ABCA6: variants seen among roughly 807,000 people sequenced by gnomAD.
ABCA6 encodes ATP binding cassette subfamily A member 6, also known as ATP-binding cassette sub-family A member 6.
Under a neutral mutation model 191.2 loss-of-function variants are expected in ABCA6, and 164 were observed. The ratio of observed to expected loss-of-function variants is 0.86; its 90% confidence interval spans 0.76 to 0.98. The LOEUF (loss-of-function observed/expected upper bound fraction) is 0.98. Among genes scored for constraint, ABCA6 ranks in the 50% least tolerant of loss-of-function variants. The probability of loss-of-function intolerance (pLI) is 0.00; values close to 1 mark genes in which losing one functional copy is unlikely to be tolerated. For synonymous variants in ABCA6, 636 were observed against 647.7 expected (o/e 0.98, Z 0.27); for missense variants, 1,958 against 1,894.1 (o/e 1.03, Z -0.63).
At chr17:69,089,419 A>T in intron 27 of ABCA6, 46 bp downstream of exon 27, 5 of 1,538,078 alleles carry the variant, frequency 3.3e-6, no homozygotes, top group Non-Finnish European at 4.5e-6. Flanking sequence ...ATAGTGAATG[A>T]CAGTCATCCA....
chr17:69,096,271 T>G lies in ABCA6; in HGVS notation c.3377A>C (p.Asn1126Thr), dbSNP rs1299794165. The G allele has an allele frequency of 6.6e-7, 1 of 1,523,476 alleles. No individual in the cohort carries two copies. Among genetic ancestry groups the G allele is most frequent in the South Asian group, 1.3e-5 (1 of 75,712 alleles). 94.4% of individuals were successfully genotyped at this position (1,523,476 alleles called of 1,614,324 possible). A position where few individuals can be genotyped will look rare whatever the true frequency, so the allele number is the denominator to read the frequency against. Residue 1126 changes from asparagine to threonine, a missense_variant, in exon 25 of 39, where the codon AAC becomes ACC. Coordinates refer to ENST00000284425, the MANE Select transcript of ABCA6 (RefSeq NM_080284.3). The stretch of plus-strand genomic sequence containing the variant: ...GAAGTAAAATGACCAAAGGCCACTG[T>G]TTTTTCTCCTTTTGCGAAAAATAAA... ...ISFIFRKRRK[N>T]SGLWSFYFFF...
chr17:69,113,114 T>G, intron 15 of ABCA6, 108 bp downstream of exon 15: 1 of 1,326,004 alleles, frequency 7.5e-7, no homozygotes, highest in East Asian at 2.7e-5. Flanking sequence ...TGCTATAGAA[T>G]GTAGGAACAT....
At chr17:69,096,378 T>C in intron 24 of ABCA6, 25 bp from the exon 25 acceptor site, 1 of 1,260,680 alleles carries the variant, frequency 7.9e-7, no homozygotes, top group Non-Finnish European at 1.1e-6. Context: ...AATAATAACA[T>C]AGTCAAAAAA....
At chr17:69,130,845 T>C (rs756987043) in intron 6 of ABCA6, among the ~76,000 whole-genome samples, 8 of 152,154 alleles carry the variant, frequency 5.3e-5, no homozygotes, top group Non-Finnish European at 8.8e-5. Flanking sequence ...TAGTAGAAAA[T>C]TGAAATTTCA....
Position 69,084,289 on chromosome 17 carries a change from T to C in ABCA6, c.4327A>G (p.Ile1443Val), listed in dbSNP as rs767019464. 24 of 1,614,070 alleles carry C rather than the reference T, an allele frequency of 1.5e-5. No individual in the cohort carries two copies. The highest frequency in any genetic ancestry group is 1.9e-5 in the Non-Finnish European group (23 of 1,180,022). ...VLLLDEPSTGIDPTGQQQMWQ... is the reference protein window; with the variant it reads ...VLLLDEPSTGVDPTGQQQMWQ... ...ATTTGCTGCTGCCCTGTGGGGTCTA[T>C]GCCCGTAGATGGTTCATCCAGGAGC... is the stretch of plus-strand genomic sequence containing the variant. Residue 1443 changes from isoleucine (I) to valine (V), a missense_variant, in exon 34 of 39, where the codon ATA becomes GTA. Ile to Val is a conservative substitution (Grantham distance 29, BLOSUM62 3). Transcript: ENST00000284425.
intron 21 of ABCA6, 135 bp downstream of exon 21, chr17:69,102,700 A>G: frequency 2.6e-6 from 2 of 770,584 alleles, no homozygotes; most frequent in South Asian, 4.7e-5. Context: ...GGTAAACTTC[A>G]CAGTTTATTA....
intron 30 of ABCA6, among the ~76,000 whole-genome samples, chr17:69,086,004 G>A (rs1029962683): frequency 5.3e-5 from 8 of 152,060 alleles, no homozygotes; most frequent in African/African-American, 1.7e-4. Context: ...ATAGATGGCC[G>A]ATGCACTGAG....
intron 10 of ABCA6, among the ~76,000 whole-genome samples, chr17:69,120,952 T>C (rs1193056683): frequency 6.6e-6 from 1 of 151,982 alleles, no homozygotes; most frequent in African/African-American, 2.4e-5. Context: ...TCTACAAACT[T>C]TCATCCATAC....
Position 69,134,619 on chromosome 17 carries a change from C to G in ABCA6, c.564+20G>C, listed in dbSNP as rs776943384. On this transcript the variant is annotated intron_variant, in intron 5 of 38. Coordinates refer to ENST00000284425, the MANE Select transcript of ABCA6 (RefSeq NM_080284.3). ...AAGTAGCTGACATTAATTAGTAGAA[C>G]TTTTCAATCAAGCACTTACTTCTAT... is the stretch of plus-strand genomic sequence containing the variant. 1.1e-5 allele frequency: 17 copies of G among 1,568,160 alleles called. No individual in the cohort carries two copies. The East Asian group carries it at 3.8e-4, about 35-fold the overall frequency.
chr17:69,120,207 T>A (rs2073615415), intron 10 of ABCA6, among the ~76,000 whole-genome samples: 1 of 151,938 alleles, frequency 6.6e-6, no homozygotes, highest in African/African-American at 2.4e-5. Flanking sequence ...TTTAAAGAGA[T>A]CAAAAGGGAC....
chr17:69,091,197 G>C lies in ABCA6; in HGVS notation c.3474C>G (p.Thr1158=), dbSNP rs371995166. Reference sequence around the variant, plus strand: ...AGGTATATGAAGGAACCAATACCATGGTGGTAATCAATATACTTAGGTCAA... The same window carrying C: ...AGGTATATGAAGGAACCAATACCATCGTGGTAATCAATATACTTAGGTCAA... ...NHFDLSILIT[T]MVLVPSYTLL... is the part of the protein sequence containing the mutation. Residue 1158 remains threonine, a synonymous_variant, in exon 26 of 39, where the codon ACC becomes ACG. Transcript: ENST00000284425. The C allele has an allele frequency of 1.2e-6, 2 of 1,611,572 alleles. No individual in the cohort carries two copies. Among genetic ancestry groups the C allele is most frequent in the Non-Finnish European group, 1.7e-6 (2 of 1,179,086 alleles).
At chr17:69,109,386 T>G (rs1475508588) in intron 17 of ABCA6, 2 of 152,218 alleles carry the variant, frequency 1.3e-5, no homozygotes, top group Non-Finnish European at 2.9e-5. Flanking sequence ...AAAGAGCAAG[T>G]AATCTTTAGG....
At chr17:69,140,195 A>T (rs1300516269) in intron 2 of ABCA6, among the ~76,000 whole-genome samples, 1 of 152,146 alleles carries the variant, frequency 6.6e-6, no homozygotes, top group Non-Finnish European at 1.5e-5. Context: ...TGCTTGATGC[A>T]AACTGACTTT....
At chr17:69,085,230 T>C in intron 31 of ABCA6, 48 bp from the exon 32 acceptor site, 1 of 1,540,042 alleles carries the variant, frequency 6.5e-7, no homozygotes, top group Non-Finnish European at 8.7e-7. Flanking sequence ...TTTATTCCAA[T>C]AGCGTAATTA....
chr17:69,107,386 T>TA (rs562225343), intron 18 of ABCA6, among the ~76,000 whole-genome samples: 1 of 152,122 alleles, frequency 6.6e-6, no homozygotes, highest in Admixed American at 6.6e-5. Flanking sequence ...TTTTTATTTT[T>TA]AAAAAATATA....
Position 69,100,930 on chromosome 17 carries a change from T to C in ABCA6, c.2879A>G (p.Tyr960Cys), listed in dbSNP as rs778194417. Residue 960 changes from tyrosine to cysteine, a missense_variant, in exon 22 of 39, where the codon TAT (tyrosine) becomes TGT (cysteine). By Grantham distance (194) the Tyr-to-Cys change is radical (BLOSUM62 -2). Coordinates refer to ENST00000284425, the MANE Select transcript of ABCA6 (RefSeq NM_080284.3). The part of the protein sequence containing the change: ...AIIVSGKQKD[Y>C]RFSVVCNTKR... ...GGTATTACACACAACTGAAAATCTA[T>C]AATCCTTAAAACAGAAACAAATAAA... The C allele has an allele frequency of 6.3e-7, 1 of 1,587,408 alleles. No homozygotes were observed. The highest frequency in any genetic ancestry group is 1.1e-5 in the South Asian group (1 of 87,256).
intron 6 of ABCA6, 44 bp downstream of exon 6, chr17:69,133,597 A>C (rs777738386): frequency 1.5e-6 from 2 of 1,378,910 alleles, no homozygotes; most frequent in African/African-American, 2.9e-5. Context: ...CTGCTTCTTA[A>C]TTTTCCTGTT....
Position 69,100,083 on chromosome 17 carries a change from A to T in ABCA6, c.3012+714T>A, listed in dbSNP as rs903022554. ...TTAAGTTCTTAGAGTGCAATTCCTT[A>T]TGACATGGTTAGGTGGGTGATGAGC... On this transcript the variant is annotated intron_variant, in intron 22 of 38. Transcript: ENST00000284425. Among the ~76,000 whole-genome samples, 3 of 152,170 alleles carry T rather than the reference A, an allele frequency of 2.0e-5. No homozygotes were observed. The East Asian group carries it at 5.8e-4, about 29-fold the overall frequency.
At chr17:69,108,373 T>A (rs981433151) in intron 17 of ABCA6, 1 of 152,866 alleles carries the variant, frequency 6.5e-6, no homozygotes, top group Admixed American at 6.5e-5. Context: ...CTTGTGGCCT[T>A]CAGTGACCAC....
Sources: allele counts gnomAD v4.1 joint callset (sites outside exome capture counted in the v4.1 genomes callset), GRCh38; gene constraint gnomAD v4.1.1; transcripts MANE v1.5; gene names NCBI Gene and HGNC (gene_info 2026-07-23, HGNC 2026-07-21).